The following ANKS1B variants were observed in gnomAD, a reference collection of about 807,000 sequenced individuals.
ANKS1B encodes the protein ankyrin repeat and sterile alpha motif domain containing 1B.
A neutral mutation model predicts 148.3 loss-of-function variants in ANKS1B; 36 were observed. That is an observed-to-expected ratio of 0.24 (90% CI 0.19 to 0.32). ANKS1B has a LOEUF of 0.32. Ranked by LOEUF, ANKS1B falls within the 10% of genes least tolerant of loss-of-function variation. The pLI is 1.00. For missense variants in ANKS1B, 1,157 were observed against 1,542.6 expected (o/e 0.75, Z 4.19); for synonymous variants, 542 against 560.8 (o/e 0.97, Z 0.47).
At chr12:99,238,030 A>G (rs1426242678) in intron 14 of ANKS1B, among the ~76,000 whole-genome samples, 1 of 152,178 alleles carries the variant, frequency 6.6e-6, no homozygotes, top group African/African-American at 2.4e-5. Flanking sequence ...TACCTGGTTC[A>G]TCTCATTGAG....
At chr12:99,787,805 T>C (rs2065168371) in intron 4 of ANKS1B, among the ~76,000 whole-genome samples, 1 of 152,222 alleles carries the variant, frequency 6.6e-6, no homozygotes. Context: ...ATAGAAAATC[T>C]GTGCATTTTA....
intron 9 of ANKS1B, among the ~76,000 whole-genome samples, chr12:99,539,359 G>A (rs2097103490): frequency 6.6e-6 from 1 of 152,098 alleles, no homozygotes; most frequent in African/African-American, 2.4e-5. Flanking sequence ...AAATAAGGGA[G>A]GAGGAAATAT....
At chr12:99,822,705 T>C (rs2082662177) in intron 2 of ANKS1B, among the ~76,000 whole-genome samples, 1 of 152,208 alleles carries the variant, frequency 6.6e-6, no homozygotes, top group Admixed American at 6.5e-5. Context: ...GGCACTTCAA[T>C]TGATTCCATG....
At chr12:99,967,530 C>T (rs2095500316) in intron 1 of ANKS1B, among the ~76,000 whole-genome samples, 1 of 152,104 alleles carries the variant, frequency 6.6e-6, no homozygotes, top group Non-Finnish European at 1.5e-5. Context: ...GCAATCCTCC[C>T]GCCTCAGCCT....
intron 1 of ANKS1B, among the ~76,000 whole-genome samples, chr12:99,853,491 A>G (rs1172488874): frequency 1.3e-5 from 2 of 152,072 alleles, no homozygotes; most frequent in African/African-American, 4.8e-5. Flanking sequence ...AATAACCCTC[A>G]CTGCAGTTTG....
intron 14 of ANKS1B, among the ~76,000 whole-genome samples, chr12:99,230,354 GT>G (rs1375327664): frequency 6.6e-6 from 1 of 152,086 alleles, no homozygotes; most frequent in Non-Finnish European, 1.5e-5. Context: ...GTTAGTTGAT[GT>G]TGGTTGATCA....
intron 12 of ANKS1B, among the ~76,000 whole-genome samples, chr12:99,261,168 C>A (rs770700836): frequency 1.3e-5 from 2 of 152,120 alleles, no homozygotes; most frequent in Non-Finnish European, 2.9e-5. Flanking sequence ...CTACCTCCAC[C>A]GAATAGCCCT....
In ANKS1B at chr12:99,903,751, G is replaced by T. The variant is rs73147426; in HGVS notation, c.135-78362C>A. ...GGGACTCCGGAGGAAAAATGGGAGG[G>T]GGGGAGAGGGATAAAAGACTATGAA... On this transcript the variant is annotated intron_variant, in intron 1 of 26. Coordinates refer to ENST00000683438, the MANE Select transcript of ANKS1B (RefSeq NM_001352186.2). Among the ~76,000 whole-genome samples, 105 of 151,904 alleles carry T rather than the reference G, an allele frequency of 6.9e-4. No individual in the cohort carries two copies. In the East Asian group the frequency reaches 0.011, roughly 16 times the overall value.
At chr12:99,474,520 A>T (rs967287518) in intron 10 of ANKS1B, among the ~76,000 whole-genome samples, 8 of 152,060 alleles carry the variant, frequency 5.3e-5, no homozygotes, top group South Asian at 2.1e-4. Context: ...ACATTTTTTT[A>T]AAAAAGTTCT....
At chr12:98,786,923 C>G (rs2098800766) in intron 22 of ANKS1B, among the ~76,000 whole-genome samples, 1 of 152,146 alleles carries the variant, frequency 6.6e-6, no homozygotes, top group Non-Finnish European at 1.5e-5. Flanking sequence ...TGTTGCCATC[C>G]AACTTACAGT....
chr12:99,898,995 A>G (rs2093489872), intron 1 of ANKS1B, among the ~76,000 whole-genome samples: 1 of 152,212 alleles, frequency 6.6e-6, no homozygotes, highest in Non-Finnish European at 1.5e-5. Context: ...CAACTTAATG[A>G]AGTCAGAGAG....
intron 8 of ANKS1B, among the ~76,000 whole-genome samples, chr12:99,717,971 T>G (rs1051249474): frequency 1.4e-5 from 2 of 146,450 alleles, no homozygotes; most frequent in African/African-American, 5.0e-5. Flanking sequence ...TGGCGCGATC[T>G]CGGCTCACTG....
At chr12:98,928,288 T>TA (rs147263706) in intron 17 of ANKS1B, among the ~76,000 whole-genome samples, 111 of 144,350 alleles carry the variant, frequency 7.7e-4, no homozygotes, top group Middle Eastern at 3.5e-3. Context: ...GATTCGTAAT[T>TA]AAAAAAAAAA....
At chr12:98,971,245 A>T (rs1298671440) in intron 17 of ANKS1B, among the ~76,000 whole-genome samples, 1 of 152,248 alleles carries the variant, frequency 6.6e-6, no homozygotes, top group African/African-American at 2.4e-5. Flanking sequence ...TCTAAAGCCC[A>T]GGCTCTTAAC....
intron 15 of ANKS1B, among the ~76,000 whole-genome samples, chr12:99,086,884 G>C (rs1004950449): frequency 2.0e-5 from 3 of 152,122 alleles, no homozygotes; most frequent in African/African-American, 7.2e-5. Context: ...TTAGTGATGA[G>C]TACCATTAGA....
intron 13 of ANKS1B, among the ~76,000 whole-genome samples, chr12:99,245,904 A>G (rs1195343023): frequency 6.6e-6 from 1 of 152,214 alleles, no homozygotes. Flanking sequence ...AGGGAGACAA[A>G]CTAACAAAGA....
At chr12:98,901,091 C>G (rs2099771345) in intron 17 of ANKS1B, among the ~76,000 whole-genome samples, 1 of 152,108 alleles carries the variant, frequency 6.6e-6, no homozygotes, top group South Asian at 2.1e-4. Context: ...GGTCAAGGAC[C>G]TTGTTTATGT....
chr12:99,716,329 G>A (rs754302710), intron 8 of ANKS1B, among the ~76,000 whole-genome samples: 20 of 150,500 alleles, frequency 1.3e-4, no homozygotes, highest in South Asian at 4.2e-4. Context: ...TTATTTTGGC[G>A]CCCCGACACC....
intron 17 of ANKS1B, among the ~76,000 whole-genome samples, chr12:98,885,953 G>C (rs1338322717): frequency 6.6e-6 from 1 of 152,038 alleles, no homozygotes; most frequent in East Asian, 1.9e-4. Flanking sequence ...GCACCAGCAA[G>C]ATGAAAAGAA....
Sources: gnomAD v4.1 joint callset for allele counts (sites outside exome capture counted in the v4.1 genomes callset) on GRCh38, gnomAD v4.1.1 for gene constraint, MANE v1.5 for transcripts, NCBI Gene and HGNC (gene_info 2026-07-23, HGNC 2026-07-21) for gene names.